Variants in SUGCT observed in about 807,000 individuals in gnomAD.
SUGCT encodes the protein succinyl-CoA:glutarate CoA-transferase.
SUGCT carries 41 observed loss-of-function variants against 55.0 expected under a neutral mutation model. That is an observed-to-expected ratio of 0.74 (90% CI 0.58 to 0.97). The LOEUF (loss-of-function observed/expected upper bound fraction) is 0.97. Among genes scored for constraint, SUGCT ranks in the 50% least tolerant of loss-of-function variants. The pLI is 0.00. For missense variants in SUGCT, 568 were observed against 547.8 expected, an observed-to-expected ratio of 1.04 and a Z score of -0.37; for synonymous variants, 187 against 200.4, an observed-to-expected ratio of 0.93 and a Z score of 0.56.
intron 9 of SUGCT, among the ~76,000 whole-genome samples, chr7:40,376,181 T>C (rs1220103815): frequency 1.3e-5 from 2 of 152,148 alleles, no homozygotes; most frequent in African/African-American, 2.4e-5. Flanking sequence ...GAAGGGAAGG[T>C]AAAATATGTC....
chr7:40,752,607 C>T (rs966047935), intron 13 of SUGCT, among the ~76,000 whole-genome samples: 5 of 152,136 alleles, frequency 3.3e-5, no homozygotes, highest in African/African-American at 9.7e-5. Flanking sequence ...CCACCTGCCT[C>T]GGCCTCCCAA....
chr7:40,415,078 A>G lies in SUGCT; in HGVS notation c.817-34209A>G, dbSNP rs10235844. Reference sequence around the variant, plus strand: ...AAAAAAAAAATCTATCTATCTATCTATCTATCTATCTATCTATCTATCTAT... The same window carrying G: ...AAAAAAAAAATCTATCTATCTATCTGTCTATCTATCTATCTATCTATCTAT... On this transcript the variant is annotated intron_variant, in intron 9 of 13. Transcript: ENST00000335693. 9.0e-4 allele frequency among the ~76,000 whole-genome samples: 97 copies of G among 107,604 alleles called. 1 individual carries two copies. The highest frequency in any genetic ancestry group is 1.5e-3 in the East Asian group (7 of 4,732). 70.6% of individuals were successfully genotyped at this position (107,604 alleles called of 152,430 possible).
intron 12 of SUGCT, among the ~76,000 whole-genome samples, chr7:40,687,618 G>C (rs1232673358): frequency 6.6e-6 from 1 of 152,106 alleles, no homozygotes; most frequent in Admixed American, 6.5e-5. Flanking sequence ...TAGAGAACTG[G>C]AATGGTTATA....
At chr7:41,007,501 C>T in the SUGCT span, among the ~76,000 whole-genome samples, 6 of 152,180 alleles carry the variant, frequency 3.9e-5, no homozygotes, top group Non-Finnish European at 7.3e-5. Flanking sequence ...TGTGTGCACG[C>T]CTTAGAATAT....
chr7:40,245,423 A>ATATATATTTTTTTTTTTTTTTTT (rs1344678220), intron 7 of SUGCT, among the ~76,000 whole-genome samples: 1 of 54,598 alleles, frequency 1.8e-5, no homozygotes, highest in African/African-American at 8.9e-5. Context: ...ATATATATAT[A>ATATATATTTTTTTTTTTTTTTTT]TTTTTTTTTT....
rs188610990 is a variant in SUGCT, at chr7:40,337,596, G to T, written c.816+20741G>T. ...CCCTGCCTTTTTTTGTTTTCCATTT[G>T]CTTGGTAGATCATCCTCCATCCCTT... On this transcript the variant is annotated intron_variant, in intron 9 of 13. Transcript: ENST00000335693. Among the ~76,000 whole-genome samples the T allele has an allele frequency of 4.0e-4, 61 of 152,122 alleles. 1 individual carries two copies. The East Asian group carries it at 9.3e-3, about 23-fold the overall frequency.
At chr7:40,579,997 C>T (rs1796990917) in intron 12 of SUGCT, among the ~76,000 whole-genome samples, 1 of 152,138 alleles carries the variant, frequency 6.6e-6, no homozygotes, top group African/African-American at 2.4e-5. Flanking sequence ...TGATATGAAA[C>T]AATCTGCATT....
chr7:40,271,810 A>G (rs1269695094), intron 7 of SUGCT, among the ~76,000 whole-genome samples: 1 of 151,798 alleles, frequency 6.6e-6, no homozygotes, highest in African/African-American at 2.4e-5. Flanking sequence ...TGTACCCACT[A>G]ATCAACCTCT....
At chr7:40,600,844 G>A (rs1020017617) in intron 12 of SUGCT, among the ~76,000 whole-genome samples, 3 of 151,876 alleles carry the variant, frequency 2.0e-5, no homozygotes, top group Non-Finnish European at 4.4e-5. Flanking sequence ...TCTAGTTAGA[G>A]ACAATTTTGT....
At chr7:41,009,627 C>T in the SUGCT span, among the ~76,000 whole-genome samples, 2 of 151,904 alleles carry the variant, frequency 1.3e-5, no homozygotes, top group African/African-American at 2.4e-5. Context: ...ATCCACCATC[C>T]ACCCTTCCTT....
intron 9 of SUGCT, among the ~76,000 whole-genome samples, chr7:40,384,182 A>G (rs1162438079): frequency 6.6e-6 from 1 of 152,156 alleles, no homozygotes; most frequent in Non-Finnish European, 1.5e-5. Context: ...AAGGAGAACA[A>G]ACTACTGGCA....
chr7:40,884,822 C>A, the SUGCT span, among the ~76,000 whole-genome samples: 1 of 152,096 alleles, frequency 6.6e-6, no homozygotes, highest in African/African-American at 2.4e-5. Flanking sequence ...TAGGACTTAT[C>A]GTTACTTTAC....
At chr7:40,371,470 G>A (rs1285798327) in intron 9 of SUGCT, among the ~76,000 whole-genome samples, 1 of 152,040 alleles carries the variant, frequency 6.6e-6, no homozygotes, top group Non-Finnish European at 1.5e-5. Flanking sequence ...TGTGGAGTCC[G>A]GTTAAGGCAA....
rs1405665874 is a variant in SUGCT at position 40,448,244 on chromosome 7, C to CCCTT, written c.817-1025_817-1022dup. ...TCCCTCCCTCCCTCCCTCCCTCCCT[C>CCCTT]CCTTCCTTCCTTCCTTCCTTCTCCT... On this transcript the variant is annotated intron_variant, in intron 9 of 13. Coordinates refer to ENST00000335693, the MANE Select transcript of SUGCT (RefSeq NM_001193313.2). Among the ~76,000 whole-genome samples the CCCTT allele has an allele frequency of 1.4e-3, 197 of 138,042 alleles. 2 individuals are homozygous for CCCTT. Among genetic ancestry groups the CCCTT allele is most frequent in the African/African-American group, 4.5e-3 (167 of 37,160 alleles). The allele number at this position is 138,042 out of a possible 152,430, so 90.6% of individuals were successfully genotyped here. A position where few individuals can be genotyped will look rare whatever the true frequency, so the allele number is the denominator to read the frequency against.
intron 1 of SUGCT, among the ~76,000 whole-genome samples, chr7:40,163,809 A>C (rs533668192): frequency 5.3e-5 from 8 of 151,502 alleles, no homozygotes; most frequent in Non-Finnish European, 1.0e-4. Flanking sequence ...CTATTTTCTT[A>C]ATTTTTTGAA....
intron 6 of SUGCT, among the ~76,000 whole-genome samples, chr7:40,211,535 A>G (rs1787333825): frequency 6.6e-6 from 1 of 152,074 alleles, no homozygotes; most frequent in African/African-American, 2.4e-5. Context: ...TATTTATTAC[A>G]TACACGAGGC....
chr7:40,904,475 CATAAT>C, the SUGCT span, among the ~76,000 whole-genome samples: 16 of 152,098 alleles, frequency 1.1e-4, no homozygotes, highest in Non-Finnish European at 2.1e-4. Flanking sequence ...ATTATTGTCA[CATAAT>C]AGAATAGTCA....
At chr7:40,373,575 A>G (rs1784404184) in intron 9 of SUGCT, among the ~76,000 whole-genome samples, 1 of 151,976 alleles carries the variant, frequency 6.6e-6, no homozygotes, top group African/African-American at 2.4e-5. Flanking sequence ...GAAGTCCTCA[A>G]AATCAAATTA....
chr7:40,328,874 T>C (rs78340785), intron 9 of SUGCT, among the ~76,000 whole-genome samples: 2,871 of 152,214 alleles, frequency 0.019, 88 homozygotes, highest in African/African-American at 0.066. Context: ...TGGGTTCAAA[T>C]CTACCCAAGG....
Sources: gnomAD v4.1 joint callset for allele counts (sites outside exome capture counted in the v4.1 genomes callset) on GRCh38, gnomAD v4.1.1 for gene constraint, MANE v1.5 for transcripts, NCBI Gene and HGNC (gene_info 2026-07-23, HGNC 2026-07-21) for gene names.